Variants in PDE4D observed in about 807,000 individuals in gnomAD.
PDE4D encodes 3',5'-cyclic-AMP phosphodiesterase 4D.
Under a neutral mutation model 87.4 loss-of-function variants are expected in PDE4D, and 24 were observed. The observed-to-expected ratio is 0.27, with a 90% CI of 0.20 to 0.39. The LOEUF (loss-of-function observed/expected upper bound fraction) is 0.39, where lower values mean the gene tolerates loss of function less well. Ranked by LOEUF, PDE4D falls within the 10% of genes least tolerant of loss-of-function variation. PDE4D has a pLI of 1.00. For synonymous variants in PDE4D, 384 were observed against 383.2 expected (o/e 1.00, Z -0.02); for missense variants, 714 against 1,041.0 (o/e 0.69, Z 4.32).
At chr5:59,048,600 G>A (rs13360195) in intron 5 of PDE4D, among the ~76,000 whole-genome samples, 1 of 152,130 alleles carries the variant, frequency 6.6e-6, no homozygotes, top group Admixed American at 6.5e-5. Flanking sequence ...TACTTGTCAA[G>A]GATCCCATCC....
chr5:59,241,189 C>G (rs1339899767), intron 1 of PDE4D, among the ~76,000 whole-genome samples: 2 of 152,092 alleles, frequency 1.3e-5, no homozygotes, highest in Non-Finnish European at 2.9e-5. Context: ...ATCTGCCTAC[C>G]ATAAAAACAA....
intron 5 of PDE4D, among the ~76,000 whole-genome samples, chr5:59,162,673 TAA>T (rs752188115): frequency 1.7e-4 from 22 of 131,090 alleles, no homozygotes; most frequent in Admixed American, 3.1e-4. Flanking sequence ...ATCCTGTCTC[TAA>T]AAAAAAAAAA....
chr5:59,413,688 T>A (rs2153622371), intron 1 of PDE4D, among the ~76,000 whole-genome samples: 1 of 152,194 alleles, frequency 6.6e-6, no homozygotes, highest in Non-Finnish European at 1.5e-5. Context: ...AATAATAACA[T>A]CAAACAGCTT....
intron 1 of PDE4D, among the ~76,000 whole-genome samples, chr5:60,494,719 T>A (rs1020532418): frequency 6.6e-6 from 1 of 152,210 alleles, no homozygotes; most frequent in Non-Finnish European, 1.5e-5. Context: ...ATGGTCCTGC[T>A]ATCTTCCAAG....
chr5:59,818,918 T>A (rs1397735717), intron 1 of PDE4D, among the ~76,000 whole-genome samples: 5 of 145,242 alleles, frequency 3.4e-5, no homozygotes, highest in Admixed American at 6.8e-5. Context: ...AGGAGAAAAA[T>A]TGAAAAGAAA....
intron 1 of PDE4D, among the ~76,000 whole-genome samples, chr5:60,217,035 A>G (rs964394415): frequency 2.6e-5 from 4 of 152,126 alleles, no homozygotes; most frequent in African/African-American, 9.6e-5. Context: ...ATGGTAAGCC[A>G]GAATTTAAGT....
intron 1 of PDE4D, among the ~76,000 whole-genome samples, chr5:59,451,332 G>T (rs1275053447): frequency 2.0e-5 from 3 of 152,038 alleles, no homozygotes; most frequent in Non-Finnish European, 4.4e-5. Flanking sequence ...TCCTAATCTT[G>T]CACCCCCTTT....
At chr5:59,947,587 C>G (rs528347742) in intron 3 of PDE4D, among the ~76,000 whole-genome samples, 6 of 152,194 alleles carry the variant, frequency 3.9e-5, no homozygotes, top group African/African-American at 1.4e-4. Flanking sequence ...GATATGCACA[C>G]CTGCTGCTGA....
chr5:59,932,725 A>G (rs1305614430), intron 3 of PDE4D, among the ~76,000 whole-genome samples: 1 of 152,166 alleles, frequency 6.6e-6, no homozygotes, highest in East Asian at 1.9e-4. Flanking sequence ...AGGAATCTGG[A>G]AAGTCGGTAG....
intron 1 of PDE4D, among the ~76,000 whole-genome samples, chr5:60,464,261 A>G (rs1240658989): frequency 6.6e-6 from 1 of 152,242 alleles, no homozygotes. Context: ...TATAGCAATC[A>G]ATCAACTTGA....
chr5:60,387,337 G>T (rs921963559), intron 1 of PDE4D, among the ~76,000 whole-genome samples: 1 of 152,186 alleles, frequency 6.6e-6, no homozygotes, highest in Non-Finnish European at 1.5e-5. Context: ...TCCCAATGAC[G>T]TCAATGTTAG....
At chr5:60,319,896 G>T (rs558815683) in intron 1 of PDE4D, among the ~76,000 whole-genome samples, 6 of 152,288 alleles carry the variant, frequency 3.9e-5, no homozygotes, top group East Asian at 1.9e-4. Flanking sequence ...TGCCCCTACT[G>T]GGGGGTACCT....
chr5:59,797,935 G>A (rs1313478934), intron 1 of PDE4D, among the ~76,000 whole-genome samples: 1 of 152,002 alleles, frequency 6.6e-6, no homozygotes. Flanking sequence ...GAATTTCTAG[G>A]TCAAATAGGA....
At chr5:60,119,935 C>T (rs1358189910) in intron 2 of PDE4D, among the ~76,000 whole-genome samples, 5 of 152,142 alleles carry the variant, frequency 3.3e-5, no homozygotes, top group Non-Finnish European at 7.4e-5. Flanking sequence ...TTCATATGAG[C>T]TCACACTGAG....
At chr5:59,043,969 G>A (rs1019240707) in intron 5 of PDE4D, among the ~76,000 whole-genome samples, 1 of 152,082 alleles carries the variant, frequency 6.6e-6, no homozygotes, top group African/African-American at 2.4e-5. Context: ...TGGACATTTG[G>A]GTTGGTTCCA....
At chr5:59,317,657 G>A (rs536054400) in intron 1 of PDE4D, among the ~76,000 whole-genome samples, 1 of 152,224 alleles carries the variant, frequency 6.6e-6, no homozygotes, top group South Asian at 2.1e-4. Context: ...TGACTTGCCA[G>A]GCACACAGTG....
At chr5:59,541,052 G>A (rs1018989409) in intron 1 of PDE4D, among the ~76,000 whole-genome samples, 3 of 152,254 alleles carry the variant, frequency 2.0e-5, no homozygotes, top group Middle Eastern at 3.4e-3. Context: ...AAGAAACGAC[G>A]CCCTTAATAA....
chr5:59,333,829 T>C (rs1043822034), intron 1 of PDE4D, among the ~76,000 whole-genome samples: 1 of 152,136 alleles, frequency 6.6e-6, no homozygotes, highest in Non-Finnish European at 1.5e-5. Flanking sequence ...TATCTTTAAT[T>C]TTCATATCCT....
chr5:59,749,275 T>C (rs905474524), intron 1 of PDE4D, among the ~76,000 whole-genome samples: 1 of 152,108 alleles, frequency 6.6e-6, no homozygotes, highest in Non-Finnish European at 1.5e-5. Context: ...GTTTCTTTGT[T>C]TTTGAGACAG....
Sources: allele counts gnomAD v4.1 joint callset (sites outside exome capture counted in the v4.1 genomes callset), GRCh38; gene constraint gnomAD v4.1.1; transcripts MANE v1.5; gene names NCBI Gene and HGNC (gene_info 2026-07-23, HGNC 2026-07-21).